CDK12: variants seen among roughly 807,000 people sequenced by gnomAD.
The protein encoded by CDK12 is cyclin dependent kinase 12.
CDK12 carries 17 observed loss-of-function variants against 133.8 expected under a neutral mutation model. The ratio of observed to expected loss-of-function variants is 0.13; its 90% CI spans 0.09 to 0.19. The LOEUF is 0.19. Among genes scored for constraint, CDK12 ranks in the 10% least tolerant of loss-of-function variants. The probability of loss-of-function intolerance (pLI) is 1.00; values close to 1 mark genes in which losing one functional copy is unlikely to be tolerated. For synonymous variants in CDK12, 694 were observed against 683.6 expected, an observed-to-expected ratio of 1.02 and a Z score of -0.24; for missense variants, 1,508 against 1,818.7, an observed-to-expected ratio of 0.83 and a Z score of 3.11.
At chr17:39,468,254 A>G (rs911247244) in intron 1 of CDK12, among the ~76,000 whole-genome samples, 5 of 152,292 alleles carry the variant, frequency 3.3e-5, no homozygotes, top group South Asian at 2.1e-4. Context: ...GAAGCAGTAT[A>G]GGTAAAAGAA....
At chr17:39,480,627 T>TG (rs1472701452) in intron 2 of CDK12, among the ~76,000 whole-genome samples, 3 of 151,948 alleles carry the variant, frequency 2.0e-5, no homozygotes, top group African/African-American at 7.2e-5. Flanking sequence ...TTCACCACGT[T>TG]GGCCAGGCTG....
chr17:39,528,305 A>G (rs1362841883), intron 13 of CDK12, among the ~76,000 whole-genome samples: 2 of 151,864 alleles, frequency 1.3e-5, no homozygotes, highest in Non-Finnish European at 2.9e-5. Flanking sequence ...AATTCCTTTA[A>G]GAAGTATTAG....
intron 8 of CDK12, among the ~76,000 whole-genome samples, chr17:39,512,768 GGTA>G (rs1350331266): frequency 6.6e-6 from 1 of 152,066 alleles, no homozygotes; most frequent in African/African-American, 2.4e-5. Context: ...ATATAGAAAA[GGTA>G]GGATAAAAGT....
intron 1 of CDK12, among the ~76,000 whole-genome samples, chr17:39,464,945 C>T (rs2049191277): frequency 1.4e-5 from 2 of 148,098 alleles, no homozygotes; most frequent in South Asian, 2.2e-4. Flanking sequence ...GAGTGAGACC[C>T]TGTCTCAAAA....
intron 6 of CDK12, among the ~76,000 whole-genome samples, chr17:39,506,520 A>G (rs1035258763): frequency 2.6e-5 from 4 of 151,958 alleles, no homozygotes; most frequent in Middle Eastern, 3.2e-3. Flanking sequence ...CTGGCCAATT[A>G]TATGATTTTT....
At chr17:39,563,811 G>GA (rs1385224703) in intron 3 of CDK12, among the ~76,000 whole-genome samples, 1 of 148,514 alleles carries the variant, frequency 6.7e-6, no homozygotes, top group African/African-American at 2.5e-5. Flanking sequence ...AGAGAAGGGG[G>GA]AAAAACCAGC....
intron 5 of CDK12, among the ~76,000 whole-genome samples, chr17:39,496,868 A>G (rs942471115): frequency 2.0e-5 from 3 of 148,208 alleles, no homozygotes; most frequent in African/African-American, 7.5e-5. Context: ...TAGTATGTCC[A>G]GTGGGTGTCC....
chr17:39,543,885 A>G (rs796699368), upstream of CDK12: 12 of 172,718 alleles, frequency 6.9e-5, 1 homozygote, highest in South Asian at 1.8e-3. Context: ...GCCTCCTCCC[A>G]GTCACCTTCT....
chr17:39,540,877 C>T (rs951165936), intron 1 of CDK12, among the ~76,000 whole-genome samples: 3 of 152,218 alleles, frequency 2.0e-5, no homozygotes, highest in African/African-American at 7.2e-5. Flanking sequence ...CCTCCATTCC[C>T]TGCAGCAGAT....
Position 39,487,307 on chromosome 17 carries a change from G to T in CDK12, c.1932-3250G>T, listed in dbSNP as rs2051211150. 2.6e-5 allele frequency among the ~76,000 whole-genome samples: 4 copies of T among 152,146 alleles called. 1 individual carries two copies. In the South Asian group the frequency reaches 8.3e-4, roughly 32 times the overall value. On this transcript the variant is annotated intron_variant, in intron 2 of 13. Coordinates refer to ENST00000447079, the MANE Select transcript of CDK12 (RefSeq NM_016507.4). ...TTATGTTCTTATATTTTGAGTAAAT[G>T]ACATTCTTTTATGGAAAATTCACAC...
At chr17:39,508,888 G>A (rs1300829031) in intron 6 of CDK12, among the ~76,000 whole-genome samples, 1 of 151,754 alleles carries the variant, frequency 6.6e-6, no homozygotes, top group Non-Finnish European at 1.5e-5. Flanking sequence ...CCAGCTACTT[G>A]GGAGGCTGAG....
At chr17:39,492,580 G>A (rs1010786509) in intron 3 of CDK12, among the ~76,000 whole-genome samples, 171 bp from the exon 4 acceptor site, 2 of 143,150 alleles carry the variant, frequency 1.4e-5, no homozygotes, top group African/African-American at 5.2e-5. Context: ...GCTAATTTTT[G>A]TATTTTTTTT....
At chr17:39,504,879 CAA>C (rs141083545) in intron 6 of CDK12, among the ~76,000 whole-genome samples, 2 of 42,498 alleles carry the variant, frequency 4.7e-5, no homozygotes, top group Non-Finnish European at 7.8e-5. Flanking sequence ...GACCCTGTCT[CAA>C]AAAAAAAAAA....
chr17:39,494,228 C>T (rs1181325704), intron 4 of CDK12, among the ~76,000 whole-genome samples: 9 of 152,006 alleles, frequency 5.9e-5, no homozygotes, highest in Non-Finnish European at 1.3e-4. Context: ...CATCCACCAC[C>T]ACGCCCAGCT....
chr17:39,545,491 A>C (rs1383074370), upstream of CDK12, among the ~76,000 whole-genome samples: 2 of 147,156 alleles, frequency 1.4e-5, no homozygotes, highest in Non-Finnish European at 3.0e-5. Context: ...CCCAGCCCCA[A>C]AAAGCTTTTT....
rs1297941210 is a variant in CDK12 at position 39,490,731 on chromosome 17, A to G, written c.2106A>G (p.Pro702=). Residue 702 remains proline (P), a splice_region_variant and synonymous_variant, in exon 3 of 14, where the codon CCA becomes CCG. Coordinates refer to ENST00000447079, the MANE Select transcript of CDK12 (RefSeq NM_016507.4). ...CTCAGCAACCATATAAAAAGAGACC[A>G]AAGTGAGTTTTTGGAGGAATCTGTC... ...TPPQQPYKKR[P]KICCPRYGER... is the part of the protein sequence containing the mutation. 1.3e-6 allele frequency: 2 copies of G among 1,591,954 alleles called. No homozygotes were observed. Among genetic ancestry groups the G allele is most frequent in the South Asian group, 1.1e-5 (1 of 88,564 alleles).
At chr17:39,481,044 G>A (rs878869243) in intron 2 of CDK12, among the ~76,000 whole-genome samples, 7 of 151,848 alleles carry the variant, frequency 4.6e-5, no homozygotes, top group Admixed American at 3.3e-4. Flanking sequence ...ACCTGAGGTC[G>A]GGAGTTGGAG....
chr17:39,514,392 T>C (rs939251616), intron 8 of CDK12, among the ~76,000 whole-genome samples: 4 of 152,212 alleles, frequency 2.6e-5, no homozygotes, highest in Non-Finnish European at 5.9e-5. Context: ...AAAGTATAAA[T>C]TTGGTTTTGT....
At chr17:39,481,819 G>A (rs2050734722) in intron 2 of CDK12, among the ~76,000 whole-genome samples, 1 of 150,484 alleles carries the variant, frequency 6.6e-6, no homozygotes, top group South Asian at 2.1e-4. Context: ...CTCCCGGGTT[G>A]AAGTGATTCT....
Sources: allele counts gnomAD v4.1 joint callset (sites outside exome capture counted in the v4.1 genomes callset), GRCh38; gene constraint gnomAD v4.1.1; transcripts MANE v1.5; gene names NCBI Gene and HGNC (gene_info 2026-07-23, HGNC 2026-07-21).